Variants in MYH14 observed in about 807,000 individuals in gnomAD.
The protein encoded by MYH14 is myosin-14.
A neutral mutation model predicts 255.5 loss-of-function variants in MYH14; 123 were observed. The observed-to-expected ratio is 0.48, with a 90% CI of 0.42 to 0.56. The LOEUF (loss-of-function observed/expected upper bound fraction) is 0.56. MYH14 is among the 20% of genes least tolerant of loss of function. MYH14 has a pLI of 0.00. For synonymous variants in MYH14, 1,095 were observed against 1,161.2 expected, an observed-to-expected ratio of 0.94 and a Z score of 1.16; for missense variants, 2,423 against 2,802.3, an observed-to-expected ratio of 0.86 and a Z score of 3.06.
rs761041685 is a variant in MYH14, at chr19:50,309,181, TG to T, written c.5960+6del. 11 of 1,613,678 alleles carry T rather than the reference TG, an allele frequency of 6.8e-6. No individual in the cohort carries two copies. The highest frequency in any genetic ancestry group is 9.3e-6 in the Non-Finnish European group (11 of 1,179,682). ...CCACACTGAGGAACCGGCTTCGGTATGGTCATCCCACGTACAGGCCTGACGG... is the reference window on the plus strand; with the variant it reads ...CCACACTGAGGAACCGGCTTCGGTATGTCATCCCACGTACAGGCCTGACGG... On this transcript the variant is annotated splice_donor_5th_base_variant and intron_variant, in intron 42 of 42. Coordinates refer to ENST00000642316, the MANE Select transcript of MYH14 (RefSeq NM_001145809.2).
chr19:50,224,122 G>C, intron 5 of MYH14, 32 bp from the exon 6 acceptor site: 1 of 1,605,782 alleles, frequency 6.2e-7, no homozygotes, highest in Non-Finnish European at 8.5e-7. Context: ...GCTGTGTCCT[G>C]GTCCGTGTCT....
chr19:50,263,291 C>T (rs1184018181), intron 21 of MYH14, 21 bp from the exon 22 acceptor site: 2 of 1,507,392 alleles, frequency 1.3e-6, no homozygotes, highest in South Asian at 1.3e-5. Flanking sequence ...CACTCTGCCC[C>T]TCACCCATTT....
chr19:50,239,238 C>T (rs1213839667), intron 10 of MYH14, among the ~76,000 whole-genome samples: 10 of 152,328 alleles, frequency 6.6e-5, no homozygotes, highest in East Asian at 5.8e-4. Context: ...AGGCTGGTCT[C>T]GAACTCCTGA....
intron 11 of MYH14, among the ~76,000 whole-genome samples, chr19:50,246,356 G>A (rs1189689190): frequency 1.3e-5 from 2 of 152,088 alleles, no homozygotes; most frequent in Non-Finnish European, 2.9e-5. Context: ...GGCCAGGTTG[G>A]TCTCAAACTC....
chr19:50,294,169 C>G (rs1169257732), intron 39 of MYH14, among the ~76,000 whole-genome samples: 1 of 152,064 alleles, frequency 6.6e-6, no homozygotes, highest in Non-Finnish European at 1.5e-5. Flanking sequence ...AGCCTCTGCC[C>G]TCAAACACGT....
chr19:50,275,935 C>G, intron 27 of MYH14, 56 bp from the exon 28 acceptor site: 1 of 1,401,470 alleles, frequency 7.1e-7, no homozygotes, highest in Non-Finnish European at 9.9e-7. Context: ...CCCCAGAAAT[C>G]ATTGCCTCAC....
intron 10 of MYH14, among the ~76,000 whole-genome samples, chr19:50,239,491 T>C (rs76815554): frequency 0.016 from 2,436 of 152,322 alleles, 72 homozygotes; most frequent in African/African-American, 0.055. Flanking sequence ...TTACACGTTT[T>C]TGGCGGGAGT....
At chr19:50,268,466 T>C in intron 24 of MYH14, 99 bp downstream of exon 24, 3 of 1,332,626 alleles carry the variant, frequency 2.3e-6, no homozygotes, top group Non-Finnish European at 3.0e-6. Context: ...GGCCATGAAT[T>C]TGTAGAAAAC....
rs796195992 is a variant in MYH14 at position 50,280,612 on chromosome 19, G to GCTGAGC, written c.4290+231_4290+232insGAGCCT. Among the ~76,000 whole-genome samples, 3 of 152,152 alleles carry GCTGAGC rather than the reference G, an allele frequency of 2.0e-5. No individual in the cohort carries two copies. The highest frequency in any genetic ancestry group is 7.2e-5 in the African/African-American group (3 of 41,522). ...TTGTCCCAGCTCCAGCTCAGCCCCAGCTCCAGTGCCGTCCTCTCCCATCTA... is the reference window on the plus strand; with the variant it reads ...TTGTCCCAGCTCCAGCTCAGCCCCAGCTGAGCCTCCAGTGCCGTCCTCTCCCATCTA... On this transcript the variant is annotated intron_variant, in intron 32 of 42. Coordinates refer to ENST00000642316, the MANE Select transcript of MYH14 (RefSeq NM_001145809.2). The surrounding 1 kb of genome is among the most constrained non-coding windows in gnomAD (Gnocchi z 4.8).
chr19:50,222,565 A>C (rs949901415), intron 3 of MYH14, among the ~76,000 whole-genome samples: 2 of 151,028 alleles, frequency 1.3e-5, no homozygotes, highest in Non-Finnish European at 2.9e-5. Flanking sequence ...ATTTGATTGT[A>C]GGTTTCTGTC....
chr19:50,244,447 G>T, intron 11 of MYH14, 110 bp downstream of exon 11: 3 of 764,804 alleles, frequency 3.9e-6, no homozygotes, highest in Admixed American at 2.0e-5. Flanking sequence ...AGCCACACCT[G>T]TCTCCAACCC....
At position 50,280,431 on chromosome 19, in the gene MYH14, T is replaced by C. The variant is rs1164325107; in HGVS notation, c.4290+48T>C. On this transcript the variant is annotated intron_variant, in intron 32 of 42. Transcript: ENST00000642316. This position sits in a 1 kb window ranked among gnomAD's most constrained non-coding sequence, Gnocchi z 4.8. ...TTCAGGGAGGCACAGCCCCCCTCAC[T>C]GCTCCTCCTGGGTTCCCCAGCTCAG... is the stretch of plus-strand genomic sequence containing the variant. 8.8e-6 allele frequency: 13 copies of C among 1,472,288 alleles called. No individual in the cohort carries two copies. The South Asian group carries it at 1.6e-4, about 19-fold the overall frequency. 91.2% of individuals were successfully genotyped at this position (1,472,288 alleles called of 1,614,324 possible).
chr19:50,305,311 AG>A lies in MYH14; in HGVS notation c.5679-1733del, dbSNP rs1038367153. ...CAAGAGAGGATGAAGAAGAGAAAGC[AG>A]GGGGCAGAAGGAATGAAGCGGAGGC... On this transcript the variant is annotated intron_variant, in intron 40 of 42. Transcript: ENST00000642316. Among the ~76,000 whole-genome samples the A allele has an allele frequency of 2.4e-4, 37 of 152,226 alleles. No homozygotes were observed. The Middle Eastern group carries it at 0.01, about 42-fold the overall frequency.
chr19:50,266,575 GAGGAAAAAAGGAAGGAAGGA>G lies in MYH14; in HGVS notation c.2695-297_2695-278del, dbSNP rs2035089871. 6.6e-6 allele frequency among the ~76,000 whole-genome samples: 1 copy of G among 151,506 alleles called. No individual in the cohort carries two copies. The highest frequency in any genetic ancestry group is 6.6e-5 in the Admixed American group (1 of 15,248). On this transcript the variant is annotated intron_variant, in intron 22 of 42. Coordinates refer to ENST00000642316, the MANE Select transcript of MYH14 (RefSeq NM_001145809.2). This position sits in a 1 kb window ranked among gnomAD's most constrained non-coding sequence, Gnocchi z 4.1. ...CTCTGTCGAAAGGAAGGAAGGAAGG[GAGGAAAAAAGGAAGGAAGGA>G]AGGACTGTTCCACAGAATAGCAGCA...
Position 50,293,162 on chromosome 19 carries a change from A to C in MYH14, c.5257-71A>C. ...CCAAGAGCCTTGAGGTGTGAGGGAC[A>C]GAGAAAGGGGTGAGACCCGTGCCCA... On this transcript the variant is annotated intron_variant, in intron 37 of 42. Transcript: ENST00000642316. The surrounding 1 kb of genome is among the most constrained non-coding windows in gnomAD (Gnocchi z 4.1). The C allele has an allele frequency of 5.4e-6, 6 of 1,103,990 alleles. No homozygotes were observed. Among genetic ancestry groups the C allele is most frequent in the Non-Finnish European group, 8.1e-6 (6 of 738,076 alleles). 68.4% of individuals were successfully genotyped at this position (1,103,990 alleles called of 1,614,324 possible). A position where few individuals can be genotyped will look rare whatever the true frequency, so the allele number is the denominator to read the frequency against.
chr19:50,225,499 C>A, intron 6 of MYH14, 86 bp from the exon 7 acceptor site: 2 of 996,654 alleles, frequency 2.0e-6, no homozygotes, highest in South Asian at 1.4e-5. Context: ...GATACTCAGT[C>A]AGCTGGAGAC....
Position 50,249,111 on chromosome 19 carries a change from T to A in MYH14, c.1454T>A (p.Leu485Gln). 6.3e-7 allele frequency: 1 copy of A among 1,595,108 alleles called. No individual in the cohort carries two copies. The highest frequency in any genetic ancestry group is 8.5e-7 in the Non-Finnish European group (1 of 1,171,036). ...CAAGGCGCCTCCTTCCTGGGCATCC[T>A]GGACATCGCGGGCTTTGAGATCTTC... ...PRQGASFLGI[L>Q]DIAGFEIFQL... is the part of the protein sequence containing the mutation. Residue 485 changes from leucine (L) to glutamine (Q), a missense_variant, in exon 13 of 43, where the codon CTG becomes CAG. Around this residue, in one of 3 missense-constraint regions of MYH14, gnomAD observed 672 missense variants for 881.8 expected, o/e 0.76. Transcript: ENST00000642316.
At chr19:50,219,053 T>C (rs1049910769) in intron 3 of MYH14, among the ~76,000 whole-genome samples, 3 of 143,856 alleles carry the variant, frequency 2.1e-5, no homozygotes, top group Non-Finnish European at 3.1e-5. Flanking sequence ...ACTCTCTCTC[T>C]CTATATATAT....
chr19:50,263,562 C>T (rs2034969176), intron 22 of MYH14, 142 bp downstream of exon 22: 1 of 498,444 alleles, frequency 2.0e-6, no homozygotes. Flanking sequence ...GCTTTGCTAG[C>T]TGGGATTCTT....
Sources: gnomAD v4.1 joint callset for allele counts (sites outside exome capture counted in the v4.1 genomes callset) on GRCh38, gnomAD v4.1.1 for gene constraint, gnomAD v4.1.1 regional missense constraint, Gnocchi (gnomAD v3.1) non-coding constraint, MANE v1.5 for transcripts, NCBI Gene and HGNC (gene_info 2026-07-23, HGNC 2026-07-21) for gene names.